Variants in TRPM3 observed in about 807,000 individuals in gnomAD.
TRPM3 encodes transient receptor potential cation channel subfamily M member 3.
A neutral mutation model predicts 181.2 loss-of-function variants in TRPM3; 77 were observed. The ratio of observed to expected loss-of-function variants is 0.42; its 90% CI spans 0.35 to 0.51. TRPM3 has a LOEUF of 0.51. Among genes scored for constraint, TRPM3 ranks in the 20% least tolerant of loss-of-function variants. TRPM3 has a pLI of 0.01. For synonymous variants in TRPM3, 745 were observed against 796.4 expected (o/e 0.94, Z 1.09); for missense variants, 1,759 against 2,196.7 (o/e 0.80, Z 3.98).
At chr9:71,056,727 A>T (rs1447930775) in intron 1 of TRPM3, among the ~76,000 whole-genome samples, 2 of 152,054 alleles carry the variant, frequency 1.3e-5, no homozygotes, top group Non-Finnish European at 2.9e-5. Context: ...TCATCTACAA[A>T]CCAATGAGAG....
chr9:71,318,059 A>G (rs1418431368), intron 1 of TRPM3, among the ~76,000 whole-genome samples: 1 of 152,164 alleles, frequency 6.6e-6, no homozygotes, highest in African/African-American at 2.4e-5. Flanking sequence ...AGAGCAGCCT[A>G]GACAACACTG....
At chr9:71,080,521 GATTCT>G (rs2064139196) in intron 1 of TRPM3, among the ~76,000 whole-genome samples, 1 of 152,170 alleles carries the variant, frequency 6.6e-6, no homozygotes, top group Non-Finnish European at 1.5e-5. Context: ...TTGTGATGTG[GATTCT>G]GTGTTTGAGG....
intron 1 of TRPM3, among the ~76,000 whole-genome samples, chr9:71,441,536 G>A (rs193235375): frequency 1.3e-4 from 19 of 151,960 alleles, no homozygotes; most frequent in Non-Finnish European, 5.9e-5. Flanking sequence ...TTGCTTCTAC[G>A]ATAGCCACAA....
At chr9:71,161,504 T>C (rs545178466) in intron 1 of TRPM3, among the ~76,000 whole-genome samples, 30 of 152,310 alleles carry the variant, frequency 2.0e-4, no homozygotes, top group African/African-American at 7.0e-4. Flanking sequence ...TACTTCCTGA[T>C]ATCTGTTGTT....
At chr9:70,841,680 A>G (rs1314147074) in intron 5 of TRPM3, among the ~76,000 whole-genome samples, 1 of 143,476 alleles carries the variant, frequency 7.0e-6, no homozygotes, top group African/African-American at 2.6e-5. Context: ...ATATATGTAT[A>G]TATAGATATA....
intron 1 of TRPM3, among the ~76,000 whole-genome samples, chr9:70,995,583 C>T (rs2097534379): frequency 6.6e-6 from 1 of 151,948 alleles, no homozygotes; most frequent in African/African-American, 2.4e-5. Flanking sequence ...ATTTTTTCTC[C>T]CATTAGGCTG....
intron 1 of TRPM3, among the ~76,000 whole-genome samples, chr9:70,951,235 A>G (rs999225441): frequency 1.3e-5 from 2 of 152,230 alleles, no homozygotes; most frequent in Admixed American, 1.3e-4. Context: ...AGAGGTAAAT[A>G]ACATTTCTTT....
At chr9:71,132,140 G>A (rs376224164) in intron 1 of TRPM3, among the ~76,000 whole-genome samples, 1 of 152,128 alleles carries the variant, frequency 6.6e-6, no homozygotes, top group East Asian at 1.9e-4. Flanking sequence ...AACATATTCT[G>A]ATCCATTACC....
intron 1 of TRPM3, among the ~76,000 whole-genome samples, chr9:71,178,769 G>A (rs796158818): frequency 7.2e-5 from 11 of 152,134 alleles, no homozygotes; most frequent in African/African-American, 2.6e-4. Context: ...CTAACTAAAC[G>A]TGACGCACAA....
chr9:71,338,908 A>G (rs1387502884), intron 1 of TRPM3, among the ~76,000 whole-genome samples: 2 of 152,160 alleles, frequency 1.3e-5, no homozygotes, highest in East Asian at 3.9e-4. Flanking sequence ...AACCAATTCA[A>G]TTAGACACGA....
chr9:70,848,955 C>A lies in TRPM3; in HGVS notation c.463-2364G>T, dbSNP rs1480162738. 5.2e-4 allele frequency among the ~76,000 whole-genome samples: 11 copies of A among 21,062 alleles called. 1 individual carries two copies. The Admixed American group carries it at 7.7e-3, about 15-fold the overall frequency. The allele number at this position is 21,062 out of a possible 152,430, so 13.8% of individuals were successfully genotyped here. On this transcript the variant is annotated intron_variant, in intron 3 of 25. Coordinates refer to ENST00000677713, the MANE Select transcript of TRPM3 (RefSeq NM_001366145.2). The stretch of plus-strand genomic sequence containing the variant: ...TCGCGCCACTGCACTCCAGCCTGGG[C>A]GACAGAGCGAGACTCCGTCTCAAAA...
intron 1 of TRPM3, among the ~76,000 whole-genome samples, chr9:71,089,158 A>G (rs1214375917): frequency 6.8e-6 from 1 of 147,764 alleles, no homozygotes; most frequent in East Asian, 1.9e-4. Context: ...TATATTTTAT[A>G]TCATATATGA....
intron 1 of TRPM3, among the ~76,000 whole-genome samples, chr9:71,401,320 C>A (rs550048960): frequency 1.3e-4 from 19 of 151,786 alleles, no homozygotes; most frequent in Non-Finnish European, 2.6e-4. Flanking sequence ...AAGGTTAGAT[C>A]AGAGTAGGCT....
chr9:70,631,042 C>G (rs2065749503), intron 12 of TRPM3, among the ~76,000 whole-genome samples: 1 of 152,128 alleles, frequency 6.6e-6, no homozygotes, highest in South Asian at 2.1e-4. Context: ...AAGATTGGTT[C>G]CTTCTGAGAT....
chr9:71,268,534 A>C (rs2083548219), intron 1 of TRPM3, among the ~76,000 whole-genome samples: 1 of 152,128 alleles, frequency 6.6e-6, no homozygotes, highest in African/African-American at 2.4e-5. Context: ...AATAGGAGCT[A>C]GATCTGAGGG....
chr9:71,338,805 A>G (rs2090755750), intron 1 of TRPM3, among the ~76,000 whole-genome samples: 1 of 152,162 alleles, frequency 6.6e-6, no homozygotes, highest in Non-Finnish European at 1.5e-5. Flanking sequence ...ATCTTACTTG[A>G]TAGAGAAACA....
intron 1 of TRPM3, among the ~76,000 whole-genome samples, chr9:71,361,776 C>T (rs146591127): frequency 7.9e-4 from 120 of 152,272 alleles, no homozygotes; most frequent in African/African-American, 2.8e-3. Context: ...TCAGTCTATA[C>T]TACACTGTAA....
Position 70,784,170 on chromosome 9 carries a change from G to GC in TRPM3, c.1082_1083insG (p.Cys362LeufsTer2). 1 of 1,613,650 alleles carries GC rather than the reference G, an allele frequency of 6.2e-7. No individual in the cohort carries two copies. The highest frequency in any genetic ancestry group is 8.5e-7 in the Non-Finnish European group (1 of 1,179,814). ...CCGATGCCCGTCCACTCCCATCACAGACAACCACTGGCACGGGAGGGGTGT... is the reference window on the plus strand; with the variant it reads ...CCGATGCCCGTCCACTCCCATCACAGCACAACCACTGGCACGGGAGGGGTGT... On this transcript the variant is annotated frameshift_variant, in exon 7 of 26. Transcript: ENST00000677713. LOFTEE classifies it high-confidence loss of function.
intron 1 of TRPM3, among the ~76,000 whole-genome samples, chr9:71,042,934 A>G (rs1755622352): frequency 1.3e-5 from 2 of 152,220 alleles, no homozygotes. Flanking sequence ...TTAAGAAAGC[A>G]CTATAGAGAC....
Sources: gnomAD v4.1 joint callset for allele counts (sites outside exome capture counted in the v4.1 genomes callset) on GRCh38, gnomAD v4.1.1 for gene constraint, MANE v1.5 for transcripts, NCBI Gene and HGNC (gene_info 2026-07-23, HGNC 2026-07-21) for gene names.